DPP10: variants seen among roughly 807,000 people sequenced by gnomAD.
DPP10 encodes the protein inactive dipeptidyl peptidase 10.
Under a neutral mutation model 120.9 loss-of-function variants are expected in DPP10, and 33 were observed. The ratio of observed to expected loss-of-function variants is 0.27; its 90% CI spans 0.21 to 0.37. The LOEUF is 0.37. Among genes scored for constraint, DPP10 ranks in the 10% least tolerant of loss-of-function variants. DPP10 has a pLI of 1.00. For missense variants in DPP10, 816 were observed against 942.8 expected, an observed-to-expected ratio of 0.87 and a Z score of 1.76; for synonymous variants, 337 against 326.1, an observed-to-expected ratio of 1.03 and a Z score of -0.36.
intron 1 of DPP10, among the ~76,000 whole-genome samples, chr2:114,940,949 T>A (rs535606668): frequency 6.6e-6 from 1 of 152,312 alleles, no homozygotes; most frequent in South Asian, 2.1e-4. Flanking sequence ...CTTATTCATG[T>A]GACCATTTCT....
chr2:115,253,268 T>C (rs1289807852), intron 1 of DPP10, among the ~76,000 whole-genome samples: 1 of 152,170 alleles, frequency 6.6e-6, no homozygotes, highest in Admixed American at 6.5e-5. Flanking sequence ...ATTCCACTAG[T>C]CTCTGCCTTC....
At chr2:115,309,115 GA>G (rs2061480263) in intron 1 of DPP10, 123 bp from the exon 2 acceptor site, 4 of 702,388 alleles carry the variant, frequency 5.7e-6, no homozygotes, top group Non-Finnish European at 9.6e-6. Flanking sequence ...ATGAACTACT[GA>G]AGAGGAAATG....
At chr2:115,709,309 C>A (rs1284011473) in intron 7 of DPP10, among the ~76,000 whole-genome samples, 1 of 152,018 alleles carries the variant, frequency 6.6e-6, no homozygotes, top group African/African-American at 2.4e-5. Context: ...TGAGAAGAAT[C>A]CCTGAGAGAG....
intron 3 of DPP10, among the ~76,000 whole-genome samples, chr2:115,374,594 C>A (rs1233427014): frequency 6.6e-6 from 1 of 152,210 alleles, no homozygotes; most frequent in Non-Finnish European, 1.5e-5. Context: ...TTCTGCACTG[C>A]CTTAGGAGAG....
intron 1 of DPP10, among the ~76,000 whole-genome samples, chr2:114,613,681 C>A (rs1412959740): frequency 6.6e-6 from 1 of 152,122 alleles, no homozygotes; most frequent in Admixed American, 6.6e-5. Flanking sequence ...ATGTTTATTG[C>A]AGCACTATTT....
intron 1 of DPP10, among the ~76,000 whole-genome samples, chr2:114,581,220 G>A (rs1690495879): frequency 1.7e-5 from 2 of 117,942 alleles, no homozygotes; most frequent in Non-Finnish European, 3.2e-5. Context: ...TCTCTCTGTC[G>A]CCCAGGCTGG....
At chr2:114,460,175 AT>A (rs1678805217) in intron 1 of DPP10, among the ~76,000 whole-genome samples, 1 of 21,388 alleles carries the variant, frequency 4.7e-5, no homozygotes, top group Non-Finnish European at 1.3e-4. Flanking sequence ...GATGATATCT[AT>A]CTATCTATCT....
At chr2:115,384,550 GAAGAAGAGGAA>G (rs1476574351) in intron 3 of DPP10, among the ~76,000 whole-genome samples, 5 of 69,178 alleles carry the variant, frequency 7.2e-5, no homozygotes, top group Non-Finnish European at 1.7e-4. Flanking sequence ...GAAGAAGGAA[GAAGAAGAGGAA>G]GAAGAAGAAG....
chr2:114,558,920 C>A (rs1047727078), intron 1 of DPP10, among the ~76,000 whole-genome samples: 1 of 152,134 alleles, frequency 6.6e-6, no homozygotes, highest in African/African-American at 2.4e-5. Flanking sequence ...TTGGGTATTT[C>A]AATATAGTCA....
chr2:115,671,506 C>T (rs1008546240), intron 5 of DPP10, among the ~76,000 whole-genome samples: 1 of 151,852 alleles, frequency 6.6e-6, no homozygotes, highest in African/African-American at 2.4e-5. Flanking sequence ...CTATTGAGCA[C>T]TGGTAGCATG....
chr2:115,744,915 C>A (rs1048969542), intron 9 of DPP10, among the ~76,000 whole-genome samples: 1 of 150,338 alleles, frequency 6.7e-6, no homozygotes, highest in African/African-American at 2.4e-5. Context: ...CTTTAAGCAT[C>A]AGCCACATCA....
intron 1 of DPP10, among the ~76,000 whole-genome samples, chr2:114,568,155 C>T (rs1225511474): frequency 1.3e-5 from 2 of 151,504 alleles, no homozygotes; most frequent in African/African-American, 4.9e-5. Context: ...AAAGGCCTTC[C>T]CCATAGTTTT....
intron 2 of DPP10, among the ~76,000 whole-genome samples, chr2:115,319,812 A>G (rs138183408): frequency 3.4e-4 from 51 of 152,148 alleles, no homozygotes; most frequent in African/African-American, 9.6e-4. Flanking sequence ...CCAAGATGAT[A>G]CCTTTTTGCT....
At chr2:115,177,201 C>T (rs975842362) in intron 1 of DPP10, among the ~76,000 whole-genome samples, 3 of 152,048 alleles carry the variant, frequency 2.0e-5, no homozygotes, top group Admixed American at 6.6e-5. Flanking sequence ...TGTACATGTA[C>T]GTGTGTGTAT....
At chr2:114,647,645 C>T (rs1179059259) in intron 1 of DPP10, among the ~76,000 whole-genome samples, 1 of 151,704 alleles carries the variant, frequency 6.6e-6, no homozygotes, top group African/African-American at 2.4e-5. Context: ...GCATCCAGTG[C>T]AATACCTTAA....
intron 5 of DPP10, among the ~76,000 whole-genome samples, chr2:115,546,814 C>G (rs1410480719): frequency 6.6e-6 from 1 of 152,090 alleles, no homozygotes; most frequent in African/African-American, 2.4e-5. Flanking sequence ...TGTCAGGTAC[C>G]TTGGGAAAAC....
intron 1 of DPP10, among the ~76,000 whole-genome samples, chr2:114,987,447 C>T (rs1700473554): frequency 6.6e-6 from 1 of 152,104 alleles, no homozygotes; most frequent in Non-Finnish European, 1.5e-5. Flanking sequence ...TATAATTTCA[C>T]CCCTTGATTT....
intron 1 of DPP10, among the ~76,000 whole-genome samples, chr2:115,082,885 G>A (rs1029005055): frequency 3.9e-5 from 6 of 152,118 alleles, no homozygotes; most frequent in Admixed American, 1.3e-4. Context: ...ATGTAGAAGA[G>A]GTTAGGTTTG....
chr2:115,307,824 C>T (rs2061420943), intron 1 of DPP10, among the ~76,000 whole-genome samples: 2 of 152,072 alleles, frequency 1.3e-5, no homozygotes, highest in Non-Finnish European at 2.9e-5. Flanking sequence ...TTCTCTAAAG[C>T]TGATAATTTG....
Sources: gnomAD v4.1 joint callset for allele counts (sites outside exome capture counted in the v4.1 genomes callset) on GRCh38, gnomAD v4.1.1 for gene constraint, MANE v1.5 for transcripts, NCBI Gene and HGNC (gene_info 2026-07-23, HGNC 2026-07-21) for gene names.